The following DLG2 variants were observed in gnomAD, a reference collection of about 807,000 sequenced individuals.
DLG2 encodes the protein discs large MAGUK scaffold protein 2.
Under a neutral mutation model 132.5 loss-of-function variants are expected in DLG2, and 45 were observed. The observed-to-expected ratio is 0.34, with a 90% CI of 0.27 to 0.44. The LOEUF (loss-of-function observed/expected upper bound fraction) is 0.44, where lower values mean the gene tolerates loss of function less well. Ranked by LOEUF, DLG2 falls within the 20% of genes least tolerant of loss-of-function variation. The pLI, the probability that DLG2 is intolerant of heterozygous loss-of-function variation, is 1.00. For synonymous variants in DLG2, 424 were observed against 419.6 expected, an observed-to-expected ratio of 1.01 and a Z score of -0.13; for missense variants, 1,045 against 1,196.9, an observed-to-expected ratio of 0.87 and a Z score of 1.87.
chr11:84,485,595 T>C (rs1346359184), intron 7 of DLG2, among the ~76,000 whole-genome samples: 1 of 152,170 alleles, frequency 6.6e-6, no homozygotes, highest in Non-Finnish European at 1.5e-5. Context: ...TCAAAGCAAT[T>C]GTGAATATAG....
intron 7 of DLG2, among the ~76,000 whole-genome samples, chr11:84,358,304 A>T (rs1336988666): frequency 6.6e-6 from 1 of 151,070 alleles, no homozygotes; most frequent in African/African-American, 2.4e-5. Flanking sequence ...GATGATGCTG[A>T]GCTCAGTAAG....
intron 15 of DLG2, among the ~76,000 whole-genome samples, chr11:83,914,382 TTTC>T (rs749195256): frequency 3.9e-5 from 6 of 152,270 alleles, no homozygotes; most frequent in Middle Eastern, 3.4e-3. Context: ...ATAAACCTCT[TTTC>T]TTATAAATTA....
At chr11:84,181,723 G>T (rs539302823) in intron 8 of DLG2, among the ~76,000 whole-genome samples, 1 of 152,242 alleles carries the variant, frequency 6.6e-6, no homozygotes, top group South Asian at 2.1e-4. Context: ...GAAAGTGGGA[G>T]TAGCTATATT....
At chr11:83,968,347 C>T (rs1238686531) in intron 12 of DLG2, among the ~76,000 whole-genome samples, 1 of 152,112 alleles carries the variant, frequency 6.6e-6, no homozygotes, top group South Asian at 2.1e-4. Context: ...GCTGTGAGTT[C>T]TCCATTAAGC....
At chr11:85,051,446 A>T (rs1566737964) in intron 6 of DLG2, among the ~76,000 whole-genome samples, 2 of 152,202 alleles carry the variant, frequency 1.3e-5, no homozygotes, top group Non-Finnish European at 2.9e-5. Context: ...TCATTAATTT[A>T]TCAATTCACT....
At chr11:85,129,848 T>C (rs1169027797) in intron 5 of DLG2, among the ~76,000 whole-genome samples, 2 of 152,258 alleles carry the variant, frequency 1.3e-5, no homozygotes, top group East Asian at 3.9e-4. Flanking sequence ...AAATGTGGCA[T>C]ATATGCACCA....
At chr11:84,863,433 A>G (rs966257792) in intron 6 of DLG2, among the ~76,000 whole-genome samples, 4 of 152,170 alleles carry the variant, frequency 2.6e-5, no homozygotes, top group Non-Finnish European at 5.9e-5. Context: ...ATCCTGTGAC[A>G]TATATTAATT....
chr11:85,413,439 T>G (rs2089524053), intron 3 of DLG2, among the ~76,000 whole-genome samples: 1 of 152,048 alleles, frequency 6.6e-6, no homozygotes, highest in Non-Finnish European at 1.5e-5. Flanking sequence ...TTGTTTTTAT[T>G]GTGTTTGTTT....
intron 19 of DLG2, among the ~76,000 whole-genome samples, chr11:83,577,472 A>AATAGGATATATTATATATATATAT (rs2096891424): frequency 3.8e-5 from 5 of 131,374 alleles, no homozygotes; most frequent in Non-Finnish European, 7.6e-5. Context: ...TATATATATA[A>AATAGGATATATTATATATATATAT]AATAGGATAT....
chr11:84,854,504 A>C (rs1215389350), intron 6 of DLG2, among the ~76,000 whole-genome samples: 2 of 152,012 alleles, frequency 1.3e-5, no homozygotes, highest in East Asian at 3.9e-4. Flanking sequence ...TTCAGCATTA[A>C]GTTTACCAAA....
intron 15 of DLG2, among the ~76,000 whole-genome samples, chr11:83,906,126 A>T (rs966085225): frequency 4.7e-5 from 7 of 149,834 alleles, no homozygotes; most frequent in Non-Finnish European, 7.4e-5. Flanking sequence ...TTTGCACTAT[A>T]AAAGCTCACA....
rs144504966 is a variant in DLG2, at chr11:84,590,217, G to T, written c.358-55486C>A. Reference sequence around the variant, plus strand: ...TGTGTAATGAACAGTGTCCAAATGGGATCAGCTCCTGAATTACCATTTAAA... The same window carrying T: ...TGTGTAATGAACAGTGTCCAAATGGTATCAGCTCCTGAATTACCATTTAAA... On this transcript the variant is annotated intron_variant, in intron 6 of 27. Transcript: ENST00000376104. Among the ~76,000 whole-genome samples, 1,129 of 152,248 alleles carry T rather than the reference G, an allele frequency of 7.4e-3. 8 individuals are homozygous for T. The highest frequency in any genetic ancestry group is 0.011 in the Non-Finnish European group (755 of 68,010).
chr11:84,126,884 C>T (rs1330517367), intron 9 of DLG2, among the ~76,000 whole-genome samples: 7 of 152,120 alleles, frequency 4.6e-5, no homozygotes, highest in Non-Finnish European at 1.0e-4. Context: ...ATTCCTTGTA[C>T]AATGTTGGGC....
intron 11 of DLG2, among the ~76,000 whole-genome samples, chr11:84,035,302 G>A (rs755738960): frequency 7.2e-5 from 11 of 151,992 alleles, no homozygotes; most frequent in Non-Finnish European, 1.5e-4. Context: ...GGTTCTTGGG[G>A]GCATAGCAGT....
intron 7 of DLG2, among the ~76,000 whole-genome samples, chr11:84,490,807 C>A (rs561373522): frequency 2.6e-5 from 4 of 152,096 alleles, no homozygotes; most frequent in South Asian, 2.1e-4. Flanking sequence ...CTTGTTTTGA[C>A]ATCCTCTATT....
intron 2 of DLG2, among the ~76,000 whole-genome samples, chr11:85,615,150 A>G (rs2081256184): frequency 1.3e-5 from 2 of 152,360 alleles, no homozygotes; most frequent in Middle Eastern, 3.4e-3. Flanking sequence ...CATGCTTTCA[A>G]ATTTTCTATA....
At chr11:85,526,417 T>C (rs530010945) in intron 3 of DLG2, among the ~76,000 whole-genome samples, 4 of 152,096 alleles carry the variant, frequency 2.6e-5, no homozygotes, top group African/African-American at 9.6e-5. Flanking sequence ...CAGAAAAAAA[T>C]GTGAACCTAG....
intron 3 of DLG2, among the ~76,000 whole-genome samples, chr11:85,564,988 T>C (rs2077450197): frequency 6.6e-6 from 1 of 152,068 alleles, no homozygotes; most frequent in Non-Finnish European, 1.5e-5. Context: ...ATTTCATATT[T>C]TGATGTGTGG....
intron 6 of DLG2, among the ~76,000 whole-genome samples, chr11:84,741,152 C>T: frequency 6.7e-6 from 1 of 148,838 alleles, no homozygotes; most frequent in African/African-American, 2.5e-5. Context: ...CTGCAAGCTC[C>T]GCCTTCCGGG....
Sources: allele counts gnomAD v4.1 joint callset (sites outside exome capture counted in the v4.1 genomes callset), GRCh38; gene constraint gnomAD v4.1.1; transcripts MANE v1.5; gene names NCBI Gene and HGNC (gene_info 2026-07-23, HGNC 2026-07-21).